The following RBM5 variants were observed in gnomAD, a reference collection of about 807,000 sequenced individuals.
RBM5 encodes RNA binding motif protein 5, also known as RNA-binding protein 5.
Under a neutral mutation model 124.6 loss-of-function variants are expected in RBM5, and 15 were observed. The ratio of observed to expected loss-of-function variants is 0.12; its 90% CI spans 0.08 to 0.19. The LOEUF (loss-of-function observed/expected upper bound fraction) is 0.19, where lower values mean the gene tolerates loss of function less well. Ranked by LOEUF, RBM5 falls within the 10% of genes least tolerant of loss-of-function variation. The probability of loss-of-function intolerance (pLI) is 1.00; values close to 1 mark genes in which losing one functional copy is unlikely to be tolerated. For missense variants in RBM5, 580 were observed against 1,026.5 expected, an observed-to-expected ratio of 0.57 and a Z score of 5.94; for synonymous variants, 337 against 361.2, an observed-to-expected ratio of 0.93 and a Z score of 0.76.
At chr3:50,093,961 T>C (rs1394418473) in intron 4 of RBM5, 86 bp downstream of exon 4, 2 of 1,469,668 alleles carry the variant, frequency 1.4e-6, no homozygotes, top group African/African-American at 1.4e-5. Context: ...GCTATTGTTT[T>C]ATCTTAAGCC....
intron 10 of RBM5, among the ~76,000 whole-genome samples, chr3:50,106,118 A>ATTTTTTTTTTTTTTTTTTTTT (rs61297967): frequency 6.1e-5 from 2 of 32,758 alleles, no homozygotes; most frequent in African/African-American, 1.9e-4. Context: ...ACGCCCAGCT[A>ATTTTTTTTTTTTTTTTTTTTT]TTTTTTTTTT....
At chr3:50,094,874 A>G (rs1023761156) in intron 4 of RBM5, among the ~76,000 whole-genome samples, 3 of 152,138 alleles carry the variant, frequency 2.0e-5, no homozygotes, top group African/African-American at 7.2e-5. Flanking sequence ...GTCTTTAGGG[A>G]AAAGTTCACT....
At chr3:50,091,535 A>G (rs1317437267) in intron 2 of RBM5, among the ~76,000 whole-genome samples, 1 of 152,182 alleles carries the variant, frequency 6.6e-6, no homozygotes, top group South Asian at 2.1e-4. Context: ...CTGACAGACA[A>G]CTAAGTTGCC....
At chr3:50,102,700 AG>A (rs1405600420) in intron 6 of RBM5, 1 of 200,700 alleles carries the variant, frequency 5.0e-6, no homozygotes, top group African/African-American at 2.4e-5. Flanking sequence ...CACCATGCTA[AG>A]GGCAAAAGTA....
In RBM5 at chr3:50,107,222, C is replaced by T. The variant is rs139557751; in HGVS notation, c.954-260C>T. 1,552 of 601,774 alleles carry T rather than the reference C, an allele frequency of 2.6e-3. 14 individuals are homozygous for T. The highest frequency in any genetic ancestry group is 0.02 in the African/African-American group (1,078 of 54,100). The allele number at this position is 601,774 out of a possible 1,614,324, so 37.3% of individuals were successfully genotyped here. On this transcript the variant is annotated intron_variant, in intron 11 of 24. Coordinates refer to ENST00000347869, the MANE Select transcript of RBM5 (RefSeq NM_005778.4). ...ATGTATATAGTGCTTAACTCTAACA[C>T]GGTAAATTTCCCTTTTTTTAGTATC...
In RBM5 at chr3:50,117,511, G is replaced by A; in HGVS notation, c.2322+132G>A. 7.7e-7 allele frequency: 1 copy of A among 1,295,236 alleles called. No homozygotes were observed. The highest frequency in any genetic ancestry group is 1.1e-6 in the Non-Finnish European group (1 of 941,444). 80.2% of individuals were successfully genotyped at this position (1,295,236 alleles called of 1,614,324 possible). A position where few individuals can be genotyped will look rare whatever the true frequency, so the allele number is the denominator to read the frequency against. On this transcript the variant is annotated intron_variant, in intron 24 of 24. Transcript: ENST00000347869. The surrounding 1 kb of genome is among the most constrained non-coding windows in gnomAD (Gnocchi z 4.2). ...GCATGAAGGGGCAGATTACAGGCATGAGCTCACACCTGTAATCCCAGCACT... is the reference window on the plus strand; with the variant it reads ...GCATGAAGGGGCAGATTACAGGCATAAGCTCACACCTGTAATCCCAGCACT...
chr3:50,113,504 A>G lies in RBM5; in HGVS notation c.1577A>G (p.Lys526Arg), dbSNP rs1253356766. The change falls in exon 18 of 25, where the codon AAA becomes AGA. Residue 526 changes from lysine (K) to arginine (R), a missense_variant. Physicochemically the swap from Lys to Arg is conservative, Grantham distance 26. Coordinates refer to ENST00000347869, the MANE Select transcript of RBM5 (RefSeq NM_005778.4). ...GGCCTGCCTCCTGCAAAAGAGGGGA[A>G]AGAGAAGAAGGAGAAACCCAAGAGC... Reference protein sequence around the residue: ...QSGLPPAKEGKEKKEKPKSKT... With the variant: ...QSGLPPAKEGREKKEKPKSKT... 1 of 1,614,004 alleles carries G rather than the reference A, an allele frequency of 6.2e-7. No individual in the cohort carries two copies. The highest frequency in any genetic ancestry group is 1.3e-5 in the African/African-American group (1 of 74,916).
Position 50,110,458 on chromosome 3 carries a change from A to C in RBM5, c.1358A>C (p.Lys453Thr), listed in dbSNP as rs1261846897. 6.2e-7 allele frequency: 1 copy of C among 1,613,740 alleles called. No individual in the cohort carries two copies. The highest frequency in any genetic ancestry group is 1.7e-5 in the Admixed American group (1 of 59,990). ...CCTACTGGTGTAGTTCCTGGTACCAAATATGGTAAGCCAAACCTCATGGGG... is the reference window on the plus strand; with the variant it reads ...CCTACTGGTGTAGTTCCTGGTACCACATATGGTAAGCCAAACCTCATGGGG... ...ASPTGVVPGT[K>T]YAVPDTSTYQ... Residue 453 changes from lysine to threonine, a missense_variant, in exon 16 of 25, where the codon AAA becomes ACA. This residue lies in a region of RBM5 where 104 missense variants were observed against 128.7 expected (regional missense o/e 0.81). Transcript: ENST00000347869.
At position 50,107,554 on chromosome 3, in the gene RBM5, G is replaced by T; in HGVS notation, c.1026G>T (p.Gln342His). ...CTAGTACGGCTATTGCTGCTGCTCA[G>T]TGGTCATCCACCCAGGTAAGATCGA... ...SVASTAIAAA[Q>H]WSSTQSQSGE... Residue 342 changes from glutamine (Q) to histidine (H), a missense_variant, in exon 12 of 25, where the codon CAG becomes CAT. Coordinates refer to ENST00000347869, the MANE Select transcript of RBM5 (RefSeq NM_005778.4). 1 of 1,608,374 alleles carries T rather than the reference G, an allele frequency of 6.2e-7. No individual in the cohort carries two copies. The highest frequency in any genetic ancestry group is 8.5e-7 in the Non-Finnish European group (1 of 1,174,894).
chr3:50,110,187 G>A (rs2091117269), intron 15 of RBM5, among the ~76,000 whole-genome samples, 192 bp from the exon 16 acceptor site: 1 of 152,186 alleles, frequency 6.6e-6, no homozygotes, highest in East Asian at 1.9e-4. Flanking sequence ...GTCCAGTTTG[G>A]GCAACAGAGC....
Position 50,117,632 on chromosome 3 carries a change from T to C in RBM5, c.2322+253T>C. The C allele has an allele frequency of 5.4e-6, 2 of 369,080 alleles. No individual in the cohort carries two copies. The highest frequency in any genetic ancestry group is 3.9e-5 in the South Asian group (1 of 25,500). 22.9% of individuals were successfully genotyped at this position (369,080 alleles called of 1,614,324 possible). ...CCCGTCTCTACTAAAATACAAAATA[T>C]TAACTGGACGTGGCAGCGTGTGCCT... On this transcript the variant is annotated intron_variant, in intron 24 of 24. Transcript: ENST00000347869. The surrounding 1 kb of genome is among the most constrained non-coding windows in gnomAD (Gnocchi z 4.2).
At chr3:50,089,488 G>C (rs950066275) in intron 1 of RBM5, among the ~76,000 whole-genome samples, 5 of 152,240 alleles carry the variant, frequency 3.3e-5, no homozygotes, top group Non-Finnish European at 5.9e-5. Flanking sequence ...CAGGCCGGAC[G>C]CTGGAGTCGG....
chr3:50,116,166 C>T (rs2109020643), intron 22 of RBM5, 186 bp downstream of exon 22: 1 of 590,724 alleles, frequency 1.7e-6, no homozygotes, highest in East Asian at 2.9e-5. Flanking sequence ...TCACATTGTC[C>T]CTTCATCATA....
Position 50,092,217 on chromosome 3 carries a change from C to G in RBM5, c.183+9C>G. The stretch of plus-strand genomic sequence containing the variant: ...ACTATGACAGTCCAGAGGTGAGTGA[C>G]CAGCGGCTGTATAACCCCCCAAAAC... On this transcript the variant is annotated intron_variant, in intron 3 of 24. Coordinates refer to ENST00000347869, the MANE Select transcript of RBM5 (RefSeq NM_005778.4). 1.2e-6 allele frequency: 2 copies of G among 1,610,506 alleles called. No individual in the cohort carries two copies. Among genetic ancestry groups the G allele is most frequent in the Non-Finnish European group, 1.7e-6 (2 of 1,178,698 alleles).
Position 50,118,516 on chromosome 3 carries a change from C to A in RBM5, c.*60C>A. 1 of 1,563,620 alleles carries A rather than the reference C, an allele frequency of 6.4e-7. No individual in the cohort carries two copies. Among genetic ancestry groups the A allele is most frequent in the Non-Finnish European group, 8.7e-7 (1 of 1,150,272 alleles). Reference sequence around the variant, plus strand: ...AGAAGTGGTCCATCTCCCGAATTCGCTGTTACCGCCTGTCTCTTTAAGGGC... The same window carrying A: ...AGAAGTGGTCCATCTCCCGAATTCGATGTTACCGCCTGTCTCTTTAAGGGC... On this transcript the variant is annotated 3_prime_UTR_variant, in exon 25 of 25. Transcript: ENST00000347869.
intron 22 of RBM5, chr3:50,116,317 C>A: frequency 3.9e-6 from 1 of 255,544 alleles, no homozygotes. Flanking sequence ...CAAAGAAGTG[C>A]GCTTCAAATT....
intron 1 of RBM5, among the ~76,000 whole-genome samples, chr3:50,089,304 G>T (rs1021298197): frequency 1.3e-5 from 2 of 152,350 alleles, no homozygotes; most frequent in African/African-American, 4.8e-5. Flanking sequence ...GCCCAACGGA[G>T]CAGTGGAGCC....
chr3:50,100,417 G>A lies in RBM5; in HGVS notation c.410-115G>A, dbSNP rs963926045. ...CCCCAAGTCAAGTCACATTTGTAAA[G>A]CTGCTTCCCAATTGGCTTTGTCACG... On this transcript the variant is annotated intron_variant, in intron 5 of 24. Coordinates refer to ENST00000347869, the MANE Select transcript of RBM5 (RefSeq NM_005778.4). The surrounding 1 kb of genome is among the most constrained non-coding windows in gnomAD (Gnocchi z 5.1). The A allele has an allele frequency of 4.6e-6, 4 of 860,418 alleles. No individual in the cohort carries two copies. The African/African-American group carries it at 6.7e-5, about 14-fold the overall frequency. 53.3% of individuals were successfully genotyped at this position (860,418 alleles called of 1,614,324 possible).
intron 17 of RBM5, chr3:50,112,069 T>A (rs1288376979): frequency 6.8e-6 from 1 of 147,260 alleles, no homozygotes; most frequent in African/African-American, 2.6e-5. Context: ...TCTTTTTTTT[T>A]TTTTTTTTTT....
Sources: allele counts gnomAD v4.1 joint callset (sites outside exome capture counted in the v4.1 genomes callset), GRCh38; gene constraint gnomAD v4.1.1; regional missense constraint gnomAD v4.1.1; non-coding constraint Gnocchi (gnomAD v3.1); transcripts MANE v1.5; gene names NCBI Gene and HGNC (gene_info 2026-07-23, HGNC 2026-07-21).